TULP4: variants seen among roughly 807,000 people sequenced by gnomAD.
TULP4 encodes the protein tubby-related protein 4.
A neutral mutation model predicts 129.0 loss-of-function variants in TULP4; 16 were observed. The observed-to-expected ratio is 0.12, with a 90% confidence interval of 0.08 to 0.19. The LOEUF is 0.19. TULP4 is among the 10% of genes least tolerant of loss of function. TULP4 has a pLI of 1.00. For missense variants in TULP4, 1,842 were observed against 2,059.1 expected, an observed-to-expected ratio of 0.89 and a Z score of 2.04; for synonymous variants, 998 against 854.0, an observed-to-expected ratio of 1.17 and a Z score of -2.94.
intron 4 of TULP4, among the ~76,000 whole-genome samples, chr6:158,450,338 G>T (rs1263557164): frequency 6.6e-6 from 1 of 152,178 alleles, no homozygotes; most frequent in African/African-American, 2.4e-5. Context: ...GGAAATTAGA[G>T]AAATTGTCTG....
At chr6:158,291,750 T>A (rs1778946067) in intron 1 of TULP4, among the ~76,000 whole-genome samples, 1 of 152,228 alleles carries the variant, frequency 6.6e-6, no homozygotes, top group African/African-American at 2.4e-5. Flanking sequence ...TATAAAAAAA[T>A]TGGGTAATTT....
At chr6:158,246,885 G>C (rs1778041244) in intron 1 of TULP4, among the ~76,000 whole-genome samples, 1 of 152,196 alleles carries the variant, frequency 6.6e-6, no homozygotes, top group Admixed American at 6.5e-5. Context: ...AACAGTAATG[G>C]TGTGGTAGGT....
chr6:158,337,413 G>T (rs6924843), intron 1 of TULP4, among the ~76,000 whole-genome samples: 1 of 151,986 alleles, frequency 6.6e-6, no homozygotes, highest in East Asian at 1.9e-4. Context: ...TTACAGGCAT[G>T]AGCCACCACT....
Position 158,475,734 on chromosome 6 carries a change from G to A in TULP4, c.1027-4017G>A, listed in dbSNP as rs560625244. On this transcript the variant is annotated intron_variant, in intron 6 of 13. Coordinates refer to ENST00000367097, the MANE Select transcript of TULP4 (RefSeq NM_020245.5). ...GACAGAGTGATGGAAATTGATGACT[G>A]TGAGGTGGCAAAATCAGGACTAGCG... is the stretch of plus-strand genomic sequence containing the variant. Among the ~76,000 whole-genome samples, 4 of 152,320 alleles carry A rather than the reference G, an allele frequency of 2.6e-5. No homozygotes were observed. The South Asian group carries it at 8.3e-4, about 32-fold the overall frequency.
At chr6:158,366,886 G>T (rs940181493) in intron 1 of TULP4, among the ~76,000 whole-genome samples, 3 of 152,210 alleles carry the variant, frequency 2.0e-5, no homozygotes, top group Non-Finnish European at 2.9e-5. Flanking sequence ...CACAGCAAGA[G>T]AATTTACCTA....
intron 1 of TULP4, among the ~76,000 whole-genome samples, chr6:158,357,267 A>G (rs953674305): frequency 4.6e-5 from 7 of 152,190 alleles, no homozygotes; most frequent in African/African-American, 1.7e-4. Context: ...GAGAACATGC[A>G]TTTTTTAATG....
chr6:158,408,738 A>G (rs1212260021), intron 1 of TULP4, among the ~76,000 whole-genome samples: 2 of 152,218 alleles, frequency 1.3e-5, no homozygotes, highest in African/African-American at 4.8e-5. Flanking sequence ...TGGGGGCAGC[A>G]GTCTGCAGAA....
chr6:158,443,421 A>G (rs1040631356), intron 3 of TULP4, among the ~76,000 whole-genome samples: 1 of 152,096 alleles, frequency 6.6e-6, no homozygotes, highest in Non-Finnish European at 1.5e-5. Context: ...CTGGCCGTAA[A>G]TGCATTTTTA....
In TULP4 at chr6:158,313,799, A is replaced by G; in HGVS notation, c.-218A>G. On this transcript the variant is annotated 5_prime_UTR_variant, in exon 1 of 14. Transcript: ENST00000367097. ...TTTTTAAGCATTACCTTTTCTTAGAAGACTGCCATCATCTTTTATAGAGGA... is the reference window on the plus strand; with the variant it reads ...TTTTTAAGCATTACCTTTTCTTAGAGGACTGCCATCATCTTTTATAGAGGA... The G allele has an allele frequency of 1.8e-6, 1 of 547,848 alleles. No individual in the cohort carries two copies. The highest frequency in any genetic ancestry group is 1.9e-5 in the African/African-American group (1 of 52,864). The allele number at this position is 547,848 out of a possible 1,614,324, so 33.9% of individuals were successfully genotyped here.
At position 158,443,640 on chromosome 6, in the gene TULP4, T is replaced by C. The variant is rs192333702; in HGVS notation, c.544-5356T>C. Among the ~76,000 whole-genome samples the C allele has an allele frequency of 2.0e-4, 31 of 152,292 alleles. No individual in the cohort carries two copies. In the East Asian group the frequency reaches 5.6e-3, roughly 27 times the overall value. On this transcript the variant is annotated intron_variant, in intron 3 of 13. Coordinates refer to ENST00000367097, the MANE Select transcript of TULP4 (RefSeq NM_020245.5). ...GACATAGGAGAGTCTCTCATCTTAA[T>C]AGGTTAGTTTACAAGTGGTCTTTTC...
chr6:158,470,100 G>A (rs1019950869), intron 6 of TULP4, among the ~76,000 whole-genome samples: 3 of 152,160 alleles, frequency 2.0e-5, no homozygotes, highest in East Asian at 1.9e-4. Flanking sequence ...GCTCGATTAG[G>A]GTGAACACAG....
At chr6:158,242,571 G>A (rs902427619) in intron 1 of TULP4, 11 of 733,848 alleles carry the variant, frequency 1.5e-5, no homozygotes, top group Non-Finnish European at 2.8e-5. Context: ...CTCGCAATAT[G>A]CCTTTTCAAA....
intron 1 of TULP4, among the ~76,000 whole-genome samples, chr6:158,319,951 A>G (rs1779587957): frequency 3.3e-5 from 5 of 152,194 alleles, no homozygotes; most frequent in Admixed American, 3.3e-4. Context: ...GCCCCCCTCA[A>G]TCCTGAAAGC....
chr6:158,443,954 T>C (rs1044545026), intron 3 of TULP4, among the ~76,000 whole-genome samples: 15 of 152,064 alleles, frequency 9.9e-5, no homozygotes, highest in East Asian at 3.9e-4. Context: ...GTGCGGTGGC[T>C]CACGCCTGTA....
intron 1 of TULP4, among the ~76,000 whole-genome samples, chr6:158,295,758 G>A (rs1054424466): frequency 1.3e-5 from 2 of 152,190 alleles, no homozygotes; most frequent in Admixed American, 6.5e-5. Flanking sequence ...GGGCCTGGTG[G>A]CGGATGCCTG....
chr6:158,501,966 A>G lies in TULP4; in HGVS notation c.2303A>G (p.Gln768Arg). 6.2e-7 allele frequency: 1 copy of G among 1,613,972 alleles called. No homozygotes were observed. Residue 768 changes from glutamine to arginine, a missense_variant, in exon 13 of 14, where the codon CAG (glutamine) becomes CGG (arginine). Physicochemically the swap from Gln to Arg is conservative, Grantham distance 43. Around this residue, in one of 5 missense-constraint regions of TULP4, gnomAD observed 1,089 missense variants for 987.1 expected, o/e 1.10. Transcript: ENST00000367097. Reference sequence around the variant, plus strand: ...AGCGTGGAAATGGGCCGCATCATTCAGAACCCCCCTCCACTGTCCCTGCCT... The same window carrying G: ...AGCGTGGAAATGGGCCGCATCATTCGGAACCCCCCTCCACTGTCCCTGCCT... ...FGSVEMGRII[Q>R]NPPPLSLPPP...
chr6:158,489,755 TC>T (rs1780156441), intron 9 of TULP4, 23 bp downstream of exon 9: 2 of 1,613,884 alleles, frequency 1.2e-6, no homozygotes, highest in East Asian at 4.5e-5. Flanking sequence ...TTTGGGGAGA[TC>T]GTCCTTTCTT....
chr6:158,467,919 G>T (rs630819), intron 6 of TULP4, among the ~76,000 whole-genome samples: 63,157 of 151,692 alleles, frequency 0.42, 14,385 homozygotes, highest in African/African-American at 0.62. Context: ...TCTTACTGCT[G>T]CCCATTACTT....
chr6:158,425,347 C>T (rs908192146), intron 2 of TULP4, among the ~76,000 whole-genome samples: 1 of 151,028 alleles, frequency 6.6e-6, no homozygotes, highest in African/African-American at 2.4e-5. Flanking sequence ...AACCTCGTCT[C>T]GACTAAAAAT....
Sources: allele counts gnomAD v4.1 joint callset (sites outside exome capture counted in the v4.1 genomes callset), GRCh38; gene constraint gnomAD v4.1.1; regional missense constraint gnomAD v4.1.1; transcripts MANE v1.5; gene names NCBI Gene and HGNC (gene_info 2026-07-23, HGNC 2026-07-21).